CSMD1: variants seen among roughly 807,000 people sequenced by gnomAD.
The protein encoded by CSMD1 is CUB and Sushi multiple domains 1, also known as CUB and sushi domain-containing protein 1.
Under a neutral mutation model 417.5 loss-of-function variants are expected in CSMD1, and 213 were observed. That is an observed-to-expected ratio of 0.51 (90% CI 0.46 to 0.57). The LOEUF is 0.57. CSMD1 is among the 20% of genes least tolerant of loss of function. The pLI, the probability that CSMD1 is intolerant of heterozygous loss-of-function variation, is 0.00. For synonymous variants in CSMD1, 2,862 were observed against 1,736.8 expected, an observed-to-expected ratio of 1.65 and a Z score of -16.11; for missense variants, 6,923 against 4,529.7, an observed-to-expected ratio of 1.53 and a Z score of -15.17.
chr8:4,397,566 G>C (rs1363609283), intron 3 of CSMD1, among the ~76,000 whole-genome samples: 1 of 80,778 alleles, frequency 1.2e-5, no homozygotes, highest in Admixed American at 2.0e-4. Context: ...ACGGAATCTT[G>C]CTCTTTTGCC....
chr8:4,320,466 G>A (rs1371691557), intron 3 of CSMD1, among the ~76,000 whole-genome samples: 1 of 152,028 alleles, frequency 6.6e-6, no homozygotes, highest in Non-Finnish European at 1.5e-5. Flanking sequence ...CTATCAACCT[G>A]CGATCTACAT....
intron 3 of CSMD1, among the ~76,000 whole-genome samples, chr8:4,145,067 A>G (rs1475209409): frequency 6.6e-6 from 1 of 151,206 alleles, no homozygotes; most frequent in Non-Finnish European, 1.5e-5. Context: ...TTTCTAAAAT[A>G]CAAAGATTTA....
At chr8:3,921,770 T>A (rs1269940956) in intron 5 of CSMD1, among the ~76,000 whole-genome samples, 1 of 152,298 alleles carries the variant, frequency 6.6e-6, no homozygotes, top group East Asian at 1.9e-4. Flanking sequence ...TGCAATCTTC[T>A]TTGATTTGTT....
intron 3 of CSMD1, among the ~76,000 whole-genome samples, chr8:4,380,938 T>A (rs867065591): frequency 1.3e-5 from 2 of 152,170 alleles, no homozygotes; most frequent in Non-Finnish European, 2.9e-5. Context: ...TATCCACAAC[T>A]GATAACCTGT....
intron 25 of CSMD1, among the ~76,000 whole-genome samples, chr8:3,289,858 T>C (rs1248971769): frequency 1.4e-5 from 2 of 147,612 alleles, no homozygotes; most frequent in Non-Finnish European, 2.9e-5. Context: ...GTTTTGGCTT[T>C]TGTTGCCATT....
intron 1 of CSMD1, among the ~76,000 whole-genome samples, chr8:4,831,469 C>T (rs1454371065): frequency 6.6e-6 from 1 of 152,164 alleles, no homozygotes; most frequent in African/African-American, 2.4e-5. Context: ...AAGCATTTTA[C>T]ACTATCATCT....
At position 4,127,253 on chromosome 8, in the gene CSMD1, A is replaced by G. The variant is rs559002606; in HGVS notation, c.416-95154T>C. On this transcript the variant is annotated intron_variant, in intron 3 of 69. Transcript: ENST00000635120. ...GGCCTTACGGAAAGCTTCTAACACTACAGGCCCCGCTCCAGGTTATTCTCA... is the reference window on the plus strand; with the variant it reads ...GGCCTTACGGAAAGCTTCTAACACTGCAGGCCCCGCTCCAGGTTATTCTCA... Among the ~76,000 whole-genome samples the G allele has an allele frequency of 1.2e-4, 19 of 152,090 alleles. No individual in the cohort carries two copies. The East Asian group carries it at 3.7e-3, about 30-fold the overall frequency.
chr8:3,553,126 A>G (rs1798990077), intron 10 of CSMD1, among the ~76,000 whole-genome samples: 1 of 148,708 alleles, frequency 6.7e-6, no homozygotes, highest in Admixed American at 6.8e-5. Context: ...GACAAGGAGA[A>G]AAAAAAAAAG....
chr8:4,153,444 G>C (rs1000532173), intron 3 of CSMD1, among the ~76,000 whole-genome samples: 2 of 152,222 alleles, frequency 1.3e-5, no homozygotes, highest in Non-Finnish European at 2.9e-5. Context: ...GCACTTAGCA[G>C]ATGAGCCAGT....
chr8:3,491,816 G>A (rs1337904954), intron 11 of CSMD1, among the ~76,000 whole-genome samples: 1 of 152,228 alleles, frequency 6.6e-6, no homozygotes, highest in Non-Finnish European at 1.5e-5. Context: ...CACAAATGAA[G>A]AGTGTTAGGG....
chr8:4,970,741 C>T (rs752805796), intron 1 of CSMD1, among the ~76,000 whole-genome samples: 1 of 152,050 alleles, frequency 6.6e-6, no homozygotes, highest in Admixed American at 6.6e-5. Context: ...GTGTGCCTGC[C>T]GTGGTTCTTT....
At chr8:3,217,600 G>T (rs948625632) in intron 29 of CSMD1, among the ~76,000 whole-genome samples, 1 of 152,146 alleles carries the variant, frequency 6.6e-6, no homozygotes, top group African/African-American at 2.4e-5. Context: ...GTGAATTCTT[G>T]TTAAGAAACT....
rs539262845 is a variant in CSMD1 at position 3,953,539 on chromosome 8, G to C, written c.818+44364C>G. Among the ~76,000 whole-genome samples, 4 of 152,242 alleles carry C rather than the reference G, an allele frequency of 2.6e-5. No homozygotes were observed. The South Asian group carries it at 8.3e-4, about 32-fold the overall frequency. ...AGATAATGACATTGCCCTGAGTGGA[G>C]TTTTACAGCTTCAGGACTTCCCTGG... is the stretch of plus-strand genomic sequence containing the variant. On this transcript the variant is annotated intron_variant, in intron 5 of 69. Coordinates refer to ENST00000635120, the MANE Select transcript of CSMD1 (RefSeq NM_033225.6).
At chr8:4,582,422 A>G (rs1189540984) in intron 2 of CSMD1, among the ~76,000 whole-genome samples, 2 of 152,222 alleles carry the variant, frequency 1.3e-5, no homozygotes, top group African/African-American at 4.8e-5. Flanking sequence ...TTGAGGAGCC[A>G]GAATAACGGA....
chr8:4,584,841 A>G (rs559180148), intron 2 of CSMD1, among the ~76,000 whole-genome samples: 1 of 152,190 alleles, frequency 6.6e-6, no homozygotes, highest in African/African-American at 2.4e-5. Flanking sequence ...AGTTTCTCCT[A>G]TAAGAAAACC....
At chr8:4,543,393 GTT>G (rs1438936495) in intron 2 of CSMD1, among the ~76,000 whole-genome samples, 1 of 152,052 alleles carries the variant, frequency 6.6e-6, no homozygotes, top group Non-Finnish European at 1.5e-5. Flanking sequence ...GAATTATACA[GTT>G]TGTAGCCTTT....
At chr8:3,233,369 C>G (rs1798960832) in intron 26 of CSMD1, among the ~76,000 whole-genome samples, 1 of 152,188 alleles carries the variant, frequency 6.6e-6, no homozygotes, top group Non-Finnish European at 1.5e-5. Context: ...CGTTAGGACT[C>G]CAGAATCCCC....
At chr8:4,095,279 G>A (rs1411585582) in intron 3 of CSMD1, among the ~76,000 whole-genome samples, 4 of 152,164 alleles carry the variant, frequency 2.6e-5, no homozygotes, top group African/African-American at 9.7e-5. Context: ...AGATTAAAAT[G>A]TGTAACCTTT....
intron 10 of CSMD1, among the ~76,000 whole-genome samples, chr8:3,547,806 T>G (rs1366319664): frequency 6.6e-6 from 1 of 152,100 alleles, no homozygotes; most frequent in Non-Finnish European, 1.5e-5. Context: ...GAAAAGAAAA[T>G]AAAATGATTA....
Sources: allele counts gnomAD v4.1 joint callset (sites outside exome capture counted in the v4.1 genomes callset), GRCh38; gene constraint gnomAD v4.1.1; transcripts MANE v1.5; gene names NCBI Gene and HGNC (gene_info 2026-07-23, HGNC 2026-07-21).